The following CNGA2 variants were observed in gnomAD, a reference collection of about 807,000 sequenced individuals.
The protein encoded by CNGA2 is cyclic nucleotide gated channel subunit alpha 2.
CNGA2 carries 22 observed loss-of-function variants against 35.9 expected under a neutral mutation model. The observed-to-expected ratio is 0.61, with a 90% CI of 0.44 to 0.88. The LOEUF is 0.88. Among genes scored for constraint, CNGA2 ranks in the 40% least tolerant of loss-of-function variants. CNGA2 has a pLI of 0.00. For missense variants in CNGA2, 555 were observed against 530.8 expected (o/e 1.05, Z -0.45); for synonymous variants, 217 against 209.2 (o/e 1.04, Z -0.32).
chrX:151,743,624 T>C lies in CNGA2; in HGVS notation c.1121T>C (p.Met374Thr), dbSNP rs763082241. Residue 374 changes from methionine (M) to threonine (T), a missense_variant, in exon 7 of 7, where the codon ATG becomes ACG. Coordinates refer to ENST00000329903, the MANE Select transcript of CNGA2 (RefSeq NM_005140.3). The part of the protein sequence containing the change: ...FATIVGNVGS[M>T]ISNMNATRAE... ...ACCATCGTGGGAAATGTGGGCTCCA[T>C]GATCTCCAACATGAATGCCACCCGG... 7 of 1,209,557 alleles carry C rather than the reference T, an allele frequency of 5.8e-6. No individual in the cohort carries two copies. The East Asian group carries it at 1.8e-4, about 31-fold the overall frequency.
intron 5 of CNGA2, 117 bp from the exon 6 acceptor site, chrX:151,742,419 C>A: frequency 2.0e-6 from 1 of 504,716 alleles, no homozygotes; most frequent in Admixed American, 3.2e-5. Flanking sequence ...CTGACTGTGA[C>A]TAAATGATGC....
At chrX:151,738,757 C>T (rs767531165) in intron 2 of CNGA2, 30 bp from the exon 3 acceptor site, 10 of 1,147,545 alleles carry the variant, frequency 8.7e-6, no homozygotes, top group African/African-American at 3.6e-5. Flanking sequence ...CCCTGAGAAC[C>T]CTGGGTCAAT....
intron 1 of CNGA2, among the ~76,000 whole-genome samples, chrX:151,736,803 C>T (rs964151175): frequency 9.0e-6 from 1 of 111,257 alleles, no homozygotes; most frequent in African/African-American, 3.3e-5. Flanking sequence ...ATATGCTGTG[C>T]CCCCAGCACT....
In CNGA2 at chrX:151,745,063, C is replaced by T. The variant is rs1217642969; in HGVS notation, c.*565C>T. On this transcript the variant is annotated 3_prime_UTR_variant, in exon 7 of 7. Coordinates refer to ENST00000329903, the MANE Select transcript of CNGA2 (RefSeq NM_005140.3). ...GTCTGTCTGCTAGCCAGGATGGGAT[C>T]TCTGCAGTCTTCTGTGGACCAAGGA... 8.9e-6 allele frequency: 1 copy of T among 112,001 alleles called. No homozygotes were observed. Among genetic ancestry groups the T allele is most frequent in the Non-Finnish European group, 1.9e-5 (1 of 53,399 alleles). 9.2% of individuals were successfully genotyped at this position (112,001 alleles called of 1,213,427 possible).
At chrX:151,741,224 C>T (rs2015302443) in intron 5 of CNGA2, among the ~76,000 whole-genome samples, 1 of 111,994 alleles carries the variant, frequency 8.9e-6, no homozygotes, top group Non-Finnish European at 1.9e-5. Context: ...AAGGTCTAAG[C>T]ATGGCCTTCA....
In CNGA2 at chrX:151,742,754, A is replaced by C. The variant is rs892948590; in HGVS notation, c.589+112A>C. The C allele has an allele frequency of 2.2e-5, 11 of 509,037 alleles. No homozygotes were observed. The African/African-American group carries it at 2.5e-4, about 12-fold the overall frequency. 42.0% of individuals were successfully genotyped at this position (509,037 alleles called of 1,213,427 possible). A position where few individuals can be genotyped will look rare whatever the true frequency, so the allele number is the denominator to read the frequency against. The stretch of plus-strand genomic sequence containing the variant: ...TGCTTGGGTGGGACTCTGGTAGGTG[A>C]GTACCCTTCTTTGAACCTCATGGTC... On this transcript the variant is annotated intron_variant, in intron 6 of 6. Coordinates refer to ENST00000329903, the MANE Select transcript of CNGA2 (RefSeq NM_005140.3).
chrX:151,739,601 C>T lies in CNGA2; in HGVS notation c.243C>T (p.Asn81=), dbSNP rs144004735. ...RLVGIIREWA[N]KNFREEEPRP... is the part of the protein sequence containing the mutation. ...TGGGGATCATCAGAGAATGGGCCAA[C>T]AAGAATTTCCGAGAGGAGGAACCTA... Residue 81 remains asparagine, a synonymous_variant, in exon 4 of 7, where the codon AAC becomes AAT. Transcript: ENST00000329903. 6 of 1,211,510 alleles carry T rather than the reference C, an allele frequency of 5.0e-6. No individual in the cohort carries two copies. The highest frequency in any genetic ancestry group is 3.5e-5 in the South Asian group (2 of 56,918).
intron 2 of CNGA2, 25 bp downstream of exon 2, chrX:151,738,618 G>T (rs1386322165): frequency 1.7e-6 from 2 of 1,158,552 alleles, no homozygotes; most frequent in Non-Finnish European, 2.4e-6. Flanking sequence ...TATCAGGGAA[G>T]GTACAGAGGC....
chrX:151,737,955 C>T (rs1251037664), intron 1 of CNGA2, among the ~76,000 whole-genome samples: 1 of 107,217 alleles, frequency 9.3e-6, no homozygotes, highest in African/African-American at 3.4e-5. Flanking sequence ...TGGAGACCAC[C>T]TCAGAGCTCA....
Position 151,745,212 on chromosome X carries a change from T to C in CNGA2, c.*714T>C, listed in dbSNP as rs1475920914. 1 of 112,181 alleles carries C rather than the reference T, an allele frequency of 8.9e-6. No individual in the cohort carries two copies. Among genetic ancestry groups the C allele is most frequent in the Non-Finnish European group, 1.9e-5 (1 of 53,212 alleles). The allele number at this position is 112,181 out of a possible 1,213,427, so 9.2% of individuals were successfully genotyped here. On this transcript the variant is annotated 3_prime_UTR_variant, in exon 7 of 7. Transcript: ENST00000329903. Reference sequence around the variant, plus strand: ...ATCCCTCCCCTATGAAGAGCATTCCTAAAGAGGCCCTGAAAACTGCTGGTG... The same window carrying C: ...ATCCCTCCCCTATGAAGAGCATTCCCAAAGAGGCCCTGAAAACTGCTGGTG...
At chrX:151,739,433 C>A in intron 3 of CNGA2, 129 bp from the exon 4 acceptor site, 1 of 742,942 alleles carries the variant, frequency 1.3e-6, no homozygotes, top group South Asian at 3.0e-5. Flanking sequence ...AAATCATGGT[C>A]TGGCCTGTTT....
chrX:151,738,999 A>G, intron 3 of CNGA2, 120 bp downstream of exon 3: 2 of 554,579 alleles, frequency 3.6e-6, no homozygotes, highest in Non-Finnish European at 5.6e-6. Flanking sequence ...TCCAAGGAGC[A>G]CTGTCACTGG....
At position 151,738,899 on chromosome X, in the gene CNGA2, T is replaced by C. The variant is rs1272728764; in HGVS notation, c.203+20T>C. Reference sequence around the variant, plus strand: ...CCGCAGGTGGGTCCCACCACTACCCTGCTGCTTCCCCTTCCTGTGCATGGA... The same window carrying C: ...CCGCAGGTGGGTCCCACCACTACCCCGCTGCTTCCCCTTCCTGTGCATGGA... On this transcript the variant is annotated intron_variant, in intron 3 of 6. Transcript: ENST00000329903. The C allele has an allele frequency of 8.9e-7, 1 of 1,126,042 alleles. No individual in the cohort carries two copies. Among genetic ancestry groups the C allele is most frequent in the Non-Finnish European group, 1.2e-6 (1 of 842,166 alleles). The allele number at this position is 1,126,042 out of a possible 1,213,427, so 92.8% of individuals were successfully genotyped here.
In CNGA2 at chrX:151,740,992, G is replaced by A. The variant is rs1486620781; in HGVS notation, c.482+91G>A. ...GCGCAGCAGTCCCTGGATACCAATG[G>A]CACCTCCAACTTCTCTGTTAACCCC... On this transcript the variant is annotated intron_variant, in intron 5 of 6. Transcript: ENST00000329903. 6.4e-6 allele frequency: 4 copies of A among 626,382 alleles called. No homozygotes were observed. In the African/African-American group the frequency reaches 6.5e-5, roughly 10 times the overall value. The allele number at this position is 626,382 out of a possible 1,213,427, so 51.6% of individuals were successfully genotyped here. A position where few individuals can be genotyped will look rare whatever the true frequency, so the allele number is the denominator to read the frequency against.
chrX:151,743,000 A>ATGTGTGTGTGTG (rs2015327715), intron 6 of CNGA2, 93 bp from the exon 7 acceptor site: 2 of 65,002 alleles, frequency 3.1e-5, no homozygotes, highest in Non-Finnish European at 5.2e-5. Flanking sequence ...ATGTGTATAT[A>ATGTGTGTGTGTG]TATATACACA....
chrX:151,740,978 C>T, intron 5 of CNGA2, 77 bp downstream of exon 5: 6 of 719,249 alleles, frequency 8.3e-6, no homozygotes, highest in Non-Finnish European at 8.7e-6. Context: ...CGCAGCAGTC[C>T]CTGGATACCA....
chrX:151,738,841 C>T lies in CNGA2; in HGVS notation c.165C>T (p.Asp55=), dbSNP rs1231906685. Residue 55 remains aspartate (D), a synonymous_variant, in exon 3 of 7, where the codon GAC becomes GAT. Transcript: ENST00000329903. ...DTSSELQRLA[D]VDAPQQGRSG... is the part of the protein sequence containing the mutation. ...CCTCAGAACTGCAGAGGCTGGCAGA[C>T]GTGGATGCCCCACAGCAGGGAAGGA... 6.0e-6 allele frequency: 7 copies of T among 1,176,114 alleles called. No individual in the cohort carries two copies. In the South Asian group the frequency reaches 7.5e-5, roughly 13 times the overall value.
rs746872122 is a variant in CNGA2, at chrX:151,743,300, G to A, written c.797G>A (p.Arg266His). 26 of 1,203,975 alleles carry A rather than the reference G, an allele frequency of 2.2e-5. No homozygotes were observed. The East Asian group carries it at 3.6e-4, about 17-fold the overall frequency. The change falls in exon 7 of 7, where the codon CGC (arginine) becomes CAC (histidine). Residue 266 changes from arginine (R) to histidine (H), a missense_variant. Physicochemically the swap from Arg to His is conservative, Grantham distance 29. Coordinates refer to ENST00000329903, the MANE Select transcript of CNGA2 (RefSeq NM_005140.3). ...GAGTTCTTTGACCGGACAGAGACAC[G>A]CACCAACTACCCTAACATCTTCCGC... ...MFEFFDRTET[R>H]TNYPNIFRIS... is the part of the protein sequence containing the mutation.
intron 1 of CNGA2, among the ~76,000 whole-genome samples, chrX:151,736,122 T>C (rs2015245428): frequency 8.9e-6 from 1 of 111,891 alleles, no homozygotes; most frequent in African/African-American, 3.3e-5. Context: ...TCATTCTCCT[T>C]CACTCACCCA....
Sources: allele counts gnomAD v4.1 joint callset (sites outside exome capture counted in the v4.1 genomes callset), GRCh38; gene constraint gnomAD v4.1.1; transcripts MANE v1.5; gene names NCBI Gene and HGNC (gene_info 2026-07-23, HGNC 2026-07-21).